The following GANAB variants were observed in gnomAD, a reference collection of about 807,000 sequenced individuals.
GANAB encodes glucosidase II alpha subunit, also known as neutral alpha-glucosidase AB.
A neutral mutation model predicts 129.9 loss-of-function variants in GANAB; 35 were observed. The observed-to-expected ratio is 0.27, with a 90% confidence interval of 0.21 to 0.36. GANAB has a LOEUF of 0.36. Ranked by LOEUF, GANAB falls within the 10% of genes least tolerant of loss-of-function variation. GANAB has a pLI of 1.00. For synonymous variants in GANAB, 482 were observed against 451.8 expected, an observed-to-expected ratio of 1.07 and a Z score of -0.85; for missense variants, 939 against 1,221.0, an observed-to-expected ratio of 0.77 and a Z score of 3.44.
chr11:62,635,957 C>T (rs1314338934), intron 4 of GANAB, among the ~76,000 whole-genome samples: 1 of 151,670 alleles, frequency 6.6e-6, no homozygotes, highest in Non-Finnish European at 1.5e-5. Context: ...TATCTAATAC[C>T]AGATACAAGT....
rs1943408889 is a variant in GANAB, at chr11:62,626,898, CATG to C, written c.2356_2358del (p.His786del). On this transcript the variant is annotated inframe_deletion, in exon 20 of 24. Coordinates refer to ENST00000356638, the MANE Select transcript of GANAB (RefSeq NM_198334.3). ...ACAGGCAGGTACAGGGTCTGGGGAC[CATG>C]ATGCTTCTGGTAGCTTTGAATGTCA... is the stretch of plus-strand genomic sequence containing the variant. The C allele has an allele frequency of 6.2e-7, 1 of 1,613,132 alleles. No individual in the cohort carries two copies. The highest frequency in any genetic ancestry group is 8.5e-7 in the Non-Finnish European group (1 of 1,179,198).
In GANAB at chr11:62,625,266, C is replaced by T; in HGVS notation, c.*549G>A. On this transcript the variant is annotated 3_prime_UTR_variant, in exon 24 of 24. Transcript: ENST00000356638. ...GGAAAAGGATGTTCTTTAGCAACCT[C>T]ACTCCTTTGATCCATTCATCCTGTC... 1 of 455,960 alleles carries T rather than the reference C, an allele frequency of 2.2e-6. No homozygotes were observed. The highest frequency in any genetic ancestry group is 4.4e-6 in the Non-Finnish European group (1 of 226,806). 28.2% of individuals were successfully genotyped at this position (455,960 alleles called of 1,614,324 possible).
chr11:62,633,680 A>G (rs1204675825), intron 5 of GANAB, 166 bp from the exon 6 acceptor site: 8 of 632,584 alleles, frequency 1.3e-5, no homozygotes, highest in Non-Finnish European at 2.2e-5. Flanking sequence ...TGAGCAGATA[A>G]GTTTGCAAAG....
Position 62,626,462 on chromosome 11 carries a change from G to C in GANAB, c.2512-15C>G. 1 of 1,573,214 alleles carries C rather than the reference G, an allele frequency of 6.4e-7. No individual in the cohort carries two copies. Among genetic ancestry groups the C allele is most frequent in the African/African-American group, 1.3e-5 (1 of 74,146 alleles). ...TGAGCTGTACCCTGAGCAAGAAGTG[G>C]GATAGGTGAGCGCCTGAGCCCAAGA... On this transcript the variant is annotated splice_polypyrimidine_tract_variant and intron_variant, in intron 21 of 23. Transcript: ENST00000356638.
chr11:62,630,042 T>C (rs1443108174), intron 13 of GANAB, 85 bp from the exon 14 acceptor site: 5 of 1,471,956 alleles, frequency 3.4e-6, no homozygotes, highest in Non-Finnish European at 3.8e-6. Flanking sequence ...CTCCTAGGAA[T>C]CTAAAAAGAT....
Position 62,630,673 on chromosome 11 carries a change from A to G in GANAB, c.1314T>C (p.Tyr438=), listed in dbSNP as rs765162294. ...GGAAGCGACTGGGGTCCCAGGTGAA[A>G]TACCGCTTGCCATCAGCATGTTCAA... is the stretch of plus-strand genomic sequence containing the variant. ...LDIEHADGKR[Y]FTWDPSRFPQ... The change falls in exon 11 of 24, where the codon TAT becomes TAC. Residue 438 remains tyrosine, a synonymous_variant. Coordinates refer to ENST00000356638, the MANE Select transcript of GANAB (RefSeq NM_198334.3). 1.2e-6 allele frequency: 2 copies of G among 1,614,088 alleles called. No homozygotes were observed. Among genetic ancestry groups the G allele is most frequent in the East Asian group, 2.2e-5 (1 of 44,898 alleles).
At position 62,627,032 on chromosome 11, in the gene GANAB, C is replaced by A. The variant is rs1399148973; in HGVS notation, c.2322+16G>T. 6 of 1,608,478 alleles carry A rather than the reference C, an allele frequency of 3.7e-6. No individual in the cohort carries two copies. Among genetic ancestry groups the A allele is most frequent in the Non-Finnish European group, 5.1e-6 (6 of 1,174,950 alleles). ...GCTTCCACCATCTTTCCCCACCATG[C>A]CCTTCCTTAACTCACCTCCCCTTGG... On this transcript the variant is annotated intron_variant, in intron 19 of 23. Coordinates refer to ENST00000356638, the MANE Select transcript of GANAB (RefSeq NM_198334.3).
At chr11:62,627,983 C>G (rs1050908879) in intron 17 of GANAB, among the ~76,000 whole-genome samples, 1 of 152,228 alleles carries the variant, frequency 6.6e-6, no homozygotes, top group Non-Finnish European at 1.5e-5. Context: ...TTGCAAGGCC[C>G]TCCAGGAGCA....
In GANAB at chr11:62,641,389, A is replaced by T. The variant is rs191126387; in HGVS notation, c.39-1658T>A. On this transcript the variant is annotated intron_variant, in intron 1 of 23. Coordinates refer to ENST00000356638, the MANE Select transcript of GANAB (RefSeq NM_198334.3). The stretch of plus-strand genomic sequence containing the variant: ...TACCCTCAGCTAGCCTGCTGGTTAC[A>T]GTTCCTAGGGTCCTAACATCCCTAG... Among the ~76,000 whole-genome samples, 589 of 151,308 alleles carry T rather than the reference A, an allele frequency of 3.9e-3. 1 individual carries two copies. The highest frequency in any genetic ancestry group is 6.7e-3 in the Non-Finnish European group (455 of 67,864).
chr11:62,630,631 C>T lies in GANAB; in HGVS notation c.1356G>A (p.Met452Ile). Reference protein sequence around the residue: ...DPSRFPQPRTMLERLASKRRK... With the variant: ...DPSRFPQPRTILERLASKRRK... ...GCCTCTTAGAAGCCAAGCGCTCAAG[C>T]ATGGTGCGGGGCTGAGGGAAGCGAC... The change falls in exon 11 of 24, where the codon ATG (methionine) becomes ATA (isoleucine). Residue 452 changes from methionine (M) to isoleucine (I), a missense_variant. This residue lies in a region of GANAB where 220 missense variants were observed against 295.9 expected (regional missense o/e 0.74). Coordinates refer to ENST00000356638, the MANE Select transcript of GANAB (RefSeq NM_198334.3). 1 of 1,613,372 alleles carries T rather than the reference C, an allele frequency of 6.2e-7. No homozygotes were observed. The highest frequency in any genetic ancestry group is 8.5e-7 in the Non-Finnish European group (1 of 1,179,342).
chr11:62,639,858 T>A lies in GANAB; in HGVS notation c.39-127A>T, dbSNP rs1944146379. 1.2e-5 allele frequency: 8 copies of A among 665,352 alleles called. No individual in the cohort carries two copies. In the Admixed American group the frequency reaches 1.8e-4, roughly 15 times the overall value. 41.2% of individuals were successfully genotyped at this position (665,352 alleles called of 1,614,324 possible). A position where few individuals can be genotyped will look rare whatever the true frequency, so the allele number is the denominator to read the frequency against. On this transcript the variant is annotated intron_variant, in intron 1 of 23. Coordinates refer to ENST00000356638, the MANE Select transcript of GANAB (RefSeq NM_198334.3). ...GAGGAAAGAGGGGAGAAAGATGTAGTCACATCAAATACAAAACAAGGCAGA... is the reference window on the plus strand; with the variant it reads ...GAGGAAAGAGGGGAGAAAGATGTAGACACATCAAATACAAAACAAGGCAGA...
At chr11:62,630,535 CTCTT>C in intron 11 of GANAB, 30 bp from the exon 12 acceptor site, 1 of 1,613,960 alleles carries the variant, frequency 6.2e-7, no homozygotes, top group Non-Finnish European at 8.5e-7. Flanking sequence ...GTGTTCAGGT[CTCTT>C]TAAGGCTAAA....
At chr11:62,646,233 G>A (rs1469123262) in intron 1 of GANAB, among the ~76,000 whole-genome samples, 1 of 152,196 alleles carries the variant, frequency 6.6e-6, no homozygotes, top group Non-Finnish European at 1.5e-5. Context: ...CGACGACCCC[G>A]CGCACTGCAG....
At chr11:62,633,908 G>T (rs1943810671) in intron 5 of GANAB, 1 of 374,526 alleles carries the variant, frequency 2.7e-6, no homozygotes, top group African/African-American at 2.0e-5. Flanking sequence ...CAATGGCTTT[G>T]CAAAGGCATG....
intron 1 of GANAB, among the ~76,000 whole-genome samples, chr11:62,640,244 A>AAAAAAAAAG (rs1944175018): frequency 8.4e-6 from 1 of 119,706 alleles, no homozygotes; most frequent in Non-Finnish European, 1.7e-5. Context: ...AAAAAAAAAA[A>AAAAAAAAAG]AAAAAAAAGC....
At chr11:62,644,515 G>A (rs1435595774) in intron 1 of GANAB, among the ~76,000 whole-genome samples, 1 of 152,110 alleles carries the variant, frequency 6.6e-6, no homozygotes, top group Admixed American at 6.6e-5. Context: ...CAGCTAATCA[G>A]GAGGCTGAAG....
chr11:62,633,896 C>A, intron 5 of GANAB: 1 of 386,328 alleles, frequency 2.6e-6, no homozygotes, highest in East Asian at 5.0e-5. Flanking sequence ...CCTGGCCTGA[C>A]ACAATGGCTT....
At position 62,629,204 on chromosome 11, in the gene GANAB, G is replaced by T; in HGVS notation, c.1926C>A (p.Ser642=). The T allele has an allele frequency of 6.2e-7, 1 of 1,611,328 alleles. No individual in the cohort carries two copies. The change falls in exon 16 of 24, where the codon TCC becomes TCA. Residue 642 remains serine, a synonymous_variant. Coordinates refer to ENST00000356638, the MANE Select transcript of GANAB (RefSeq NM_198334.3). ...TCCTCCCTGTCTTACCCCCACAGAA[G>T]GAAAGTCCCACCAGCCCCAAGCTGA... ...MCLSLGLVGL[S]FCGADVGGFF...
intron 1 of GANAB, among the ~76,000 whole-genome samples, chr11:62,644,772 G>A (rs899358549): frequency 6.6e-6 from 1 of 152,038 alleles, no homozygotes; most frequent in Non-Finnish European, 1.5e-5. Context: ...GGAGTAAGCC[G>A]AGATTGCACC....
Sources: allele counts gnomAD v4.1 joint callset (sites outside exome capture counted in the v4.1 genomes callset), GRCh38; gene constraint gnomAD v4.1.1; regional missense constraint gnomAD v4.1.1; transcripts MANE v1.5; gene names NCBI Gene and HGNC (gene_info 2026-07-23, HGNC 2026-07-21).